Variants in ROBO2 observed in about 807,000 individuals in gnomAD.
The protein encoded by ROBO2 is roundabout guidance receptor 2.
A neutral mutation model predicts 160.8 loss-of-function variants in ROBO2; 53 were observed. That is an observed-to-expected ratio of 0.33 (90% confidence interval 0.26 to 0.41). The LOEUF is 0.41. Ranked by LOEUF, ROBO2 falls within the 10% of genes least tolerant of loss-of-function variation. The pLI is 1.00. For missense variants in ROBO2, 1,577 were observed against 1,722.4 expected, an observed-to-expected ratio of 0.92 and a Z score of 1.49; for synonymous variants, 664 against 611.7, an observed-to-expected ratio of 1.09 and a Z score of -1.26.
At chr3:77,019,373 G>A (rs116587226) in intron 2 of ROBO2, among the ~76,000 whole-genome samples, 16 of 152,166 alleles carry the variant, frequency 1.1e-4, no homozygotes, top group South Asian at 2.1e-4. Context: ...GCTTCCACCC[G>A]CAGGACATCA....
intron 17 of ROBO2, among the ~76,000 whole-genome samples, chr3:77,594,630 G>T (rs778005142): frequency 1.3e-5 from 2 of 152,098 alleles, no homozygotes; most frequent in Admixed American, 6.6e-5. Context: ...CACTGTTTAT[G>T]AGGGTCATAA....
At chr3:75,995,698 A>G (rs2065707921) in intron 2 of ROBO2, among the ~76,000 whole-genome samples, 2 of 152,128 alleles carry the variant, frequency 1.3e-5, no homozygotes, top group South Asian at 2.1e-4. Context: ...ACTGTGCACC[A>G]GGGAAAGCTG....
intron 2 of ROBO2, among the ~76,000 whole-genome samples, chr3:76,199,161 AC>A (rs752920724): frequency 6.6e-6 from 1 of 152,136 alleles, no homozygotes; most frequent in Non-Finnish European, 1.5e-5. Context: ...CCAAGCATTC[AC>A]ATCCATACAC....
At chr3:76,925,643 TAA>T (rs1484941378) in intron 2 of ROBO2, among the ~76,000 whole-genome samples, 1 of 152,154 alleles carries the variant, frequency 6.6e-6, no homozygotes, top group Non-Finnish European at 1.5e-5. Context: ...CATATGCTCT[TAA>T]GTGCATGATG....
chr3:77,554,705 A>C (rs2093046736), intron 8 of ROBO2, among the ~76,000 whole-genome samples: 1 of 151,990 alleles, frequency 6.6e-6, no homozygotes, highest in Non-Finnish European at 1.5e-5. Flanking sequence ...GATGTGACTA[A>C]ATGGCTACAG....
chr3:77,465,305 C>A (rs1391522804), intron 2 of ROBO2, among the ~76,000 whole-genome samples: 1 of 151,954 alleles, frequency 6.6e-6, no homozygotes, highest in East Asian at 1.9e-4. Context: ...TGGTACCATC[C>A]CAGGGAGAGA....
At chr3:77,101,530 A>C (rs1269164805) in intron 2 of ROBO2, among the ~76,000 whole-genome samples, 2 of 152,150 alleles carry the variant, frequency 1.3e-5, no homozygotes, top group Non-Finnish European at 2.9e-5. Flanking sequence ...TGTTGAAGCC[A>C]CGGAAGTATA....
At chr3:76,875,370 TGTGCATA>T (rs759856010) in intron 2 of ROBO2, among the ~76,000 whole-genome samples, 6 of 152,234 alleles carry the variant, frequency 3.9e-5, no homozygotes, top group Admixed American at 2.0e-4. Flanking sequence ...AGACAATTGC[TGTGCATA>T]GTGTATTAGA....
intron 2 of ROBO2, among the ~76,000 whole-genome samples, chr3:77,232,075 G>A (rs1239081051): frequency 1.3e-5 from 2 of 151,848 alleles, no homozygotes; most frequent in Non-Finnish European, 2.9e-5. Context: ...TCTTTTCATC[G>A]CTATTTATTA....
At chr3:77,514,667 G>T (rs1030520770) in intron 5 of ROBO2, among the ~76,000 whole-genome samples, 5 of 151,738 alleles carry the variant, frequency 3.3e-5, no homozygotes, top group African/African-American at 9.7e-5. Context: ...CTATAAAGAT[G>T]TCTTTAAATG....
intron 2 of ROBO2, among the ~76,000 whole-genome samples, chr3:77,473,351 A>G (rs558700285): frequency 1.7e-4 from 25 of 150,044 alleles, no homozygotes; most frequent in African/African-American, 5.9e-4. Flanking sequence ...GCTTCCAGGT[A>G]TCCCTTTCTA....
At chr3:76,199,826 A>C (rs899337492) in intron 2 of ROBO2, among the ~76,000 whole-genome samples, 64 of 152,164 alleles carry the variant, frequency 4.2e-4, no homozygotes, top group African/African-American at 1.5e-3. Context: ...CAGCTTCTCT[A>C]TGCCAATAAT....
At chr3:76,870,653 A>T (rs546485963) in intron 2 of ROBO2, among the ~76,000 whole-genome samples, 14 of 152,282 alleles carry the variant, frequency 9.2e-5, no homozygotes, top group South Asian at 8.3e-4. Context: ...GTAAATATTA[A>T]TTTAATAAAT....
At chr3:76,052,670 A>G (rs2067695908) in intron 2 of ROBO2, among the ~76,000 whole-genome samples, 1 of 152,150 alleles carries the variant, frequency 6.6e-6, no homozygotes, top group South Asian at 2.1e-4. Flanking sequence ...ATCCTTCACT[A>G]TGTTGATGTC....
chr3:77,017,539 A>G (rs1209950323), intron 2 of ROBO2, among the ~76,000 whole-genome samples: 1 of 152,200 alleles, frequency 6.6e-6, no homozygotes. Context: ...TAATTTGAGA[A>G]AATTTTAGGC....
intron 2 of ROBO2, among the ~76,000 whole-genome samples, chr3:76,085,983 G>A (rs1300119184): frequency 1.3e-5 from 2 of 152,126 alleles, no homozygotes; most frequent in African/African-American, 4.8e-5. Flanking sequence ...GACTTGTACA[G>A]AGAAACTATT....
At chr3:77,081,422 T>A (rs1012703209) in intron 1 of ROBO2, among the ~76,000 whole-genome samples, 1 of 152,186 alleles carries the variant, frequency 6.6e-6, no homozygotes, top group African/African-American at 2.4e-5. Flanking sequence ...ACTCTAAGGA[T>A]AGCCATGAAG....
At chr3:76,533,145 T>G (rs565121293) in intron 2 of ROBO2, among the ~76,000 whole-genome samples, 1 of 152,346 alleles carries the variant, frequency 6.6e-6, no homozygotes, top group South Asian at 2.1e-4. Flanking sequence ...ATAATATAAC[T>G]TTTTAGAGCC....
chr3:77,526,467 T>G (rs562794070), intron 6 of ROBO2, among the ~76,000 whole-genome samples: 2 of 151,678 alleles, frequency 1.3e-5, no homozygotes, highest in East Asian at 3.9e-4. Context: ...TCATGAAATT[T>G]CATATACTAC....
Sources: gnomAD v4.1 joint callset for allele counts (sites outside exome capture counted in the v4.1 genomes callset) on GRCh38, gnomAD v4.1.1 for gene constraint, MANE v1.5 for transcripts, NCBI Gene and HGNC (gene_info 2026-07-23, HGNC 2026-07-21) for gene names.